Variants in ZNF169 observed in about 807,000 individuals in gnomAD.
The protein encoded by ZNF169 is zinc finger protein 169.
Under a neutral mutation model 12.0 loss-of-function variants are expected in ZNF169, and 11 were observed. The ratio of observed to expected loss-of-function variants is 0.92; its 90% CI spans 0.58 to 1.52. The LOEUF (loss-of-function observed/expected upper bound fraction) is 1.52, where lower values mean the gene tolerates loss of function less well. Among genes scored for constraint, ZNF169 ranks in the 40% most tolerant of loss-of-function variants. The pLI, the probability that ZNF169 is intolerant of heterozygous loss-of-function variation, is 0.00. For synonymous variants in ZNF169, 302 were observed against 286.5 expected, an observed-to-expected ratio of 1.05 and a Z score of -0.55; for missense variants, 722 against 744.0, an observed-to-expected ratio of 0.97 and a Z score of 0.34.
chr9:94,297,963 T>C (rs1830984375), intron 4 of ZNF169, among the ~76,000 whole-genome samples: 2 of 152,036 alleles, frequency 1.3e-5, no homozygotes, highest in South Asian at 4.2e-4. Context: ...GGTCAGGAGT[T>C]TGAGACCAGC....
chr9:94,289,688 G>T (rs1298355620), intron 2 of ZNF169, among the ~76,000 whole-genome samples: 1 of 152,144 alleles, frequency 6.6e-6, no homozygotes, highest in Non-Finnish European at 1.5e-5. Flanking sequence ...TACTCAGGAC[G>T]CTGAGGCAGG....
At chr9:94,294,984 TA>T (rs1830922015) in intron 4 of ZNF169, 1 of 152,342 alleles carries the variant, frequency 6.6e-6, no homozygotes, top group Admixed American at 6.5e-5. Context: ...ATATAGCTGG[TA>T]TTACACTATG....
intron 2 of ZNF169, among the ~76,000 whole-genome samples, chr9:94,282,316 GACA>G (rs1355138957): frequency 1.3e-5 from 2 of 152,164 alleles, no homozygotes; most frequent in African/African-American, 2.4e-5. Flanking sequence ...AGGAAGTCCT[GACA>G]ACATGTGCCC....
At chr9:94,263,748 G>A (rs779646487) in intron 1 of ZNF169, among the ~76,000 whole-genome samples, 1 of 151,196 alleles carries the variant, frequency 6.6e-6, no homozygotes, top group Non-Finnish European at 1.5e-5. Context: ...ATTAGATTAG[G>A]TCTCTTTTAC....
intron 2 of ZNF169, among the ~76,000 whole-genome samples, chr9:94,284,259 T>A (rs1417149188): frequency 1.3e-5 from 2 of 151,420 alleles, no homozygotes; most frequent in Non-Finnish European, 2.9e-5. Context: ...ACCCCATCTC[T>A]ACTAAAAATA....
chr9:94,266,085 C>A (rs1295941757), intron 1 of ZNF169, among the ~76,000 whole-genome samples: 3 of 134,130 alleles, frequency 2.2e-5, no homozygotes, highest in Non-Finnish European at 3.1e-5. Flanking sequence ...GACTTTGTCT[C>A]AAAAAAAAAA....
At chr9:94,295,188 C>T (rs1355944820) in intron 4 of ZNF169, 1 of 151,958 alleles carries the variant, frequency 6.6e-6, no homozygotes, top group African/African-American at 2.4e-5. Flanking sequence ...ATTAGCCGAG[C>T]CTGGTGGTGC....
At position 94,300,099 on chromosome 9, in the gene ZNF169, G is replaced by A. The variant is rs1564094133; in HGVS notation, c.541G>A (p.Glu181Lys). The change falls in exon 5 of 5, where the codon GAA becomes AAA. Residue 181 changes from glutamate to lysine, a missense_variant. Coordinates refer to ENST00000395395, the MANE Select transcript of ZNF169 (RefSeq NM_194320.4). ...DPVEWVEGNR[E>K]GGTDLRLAQR... Reference sequence around the variant, plus strand: ...AGTAGAATGGGTAGAAGGGAACAGAGAAGGAGGAACAGACCTTCGCCTGGC... The same window carrying A: ...AGTAGAATGGGTAGAAGGGAACAGAAAAGGAGGAACAGACCTTCGCCTGGC... The A allele has an allele frequency of 1.2e-6, 2 of 1,614,196 alleles. No homozygotes were observed. The highest frequency in any genetic ancestry group is 1.7e-5 in the Admixed American group (1 of 60,026).
intron 1 of ZNF169, among the ~76,000 whole-genome samples, chr9:94,269,031 C>T (rs567662591): frequency 4.6e-5 from 7 of 151,966 alleles, no homozygotes; most frequent in Admixed American, 2.6e-4. Context: ...TGGATGTTAG[C>T]TTTTATTTAG....
chr9:94,287,691 G>T, intron 2 of ZNF169: 1 of 1,076,516 alleles, frequency 9.3e-7, no homozygotes, highest in Non-Finnish European at 1.4e-6. Context: ...AAACAATACG[G>T]TGTTCATTTA....
At chr9:94,266,414 G>A (rs754683387) in intron 1 of ZNF169, among the ~76,000 whole-genome samples, 8 of 152,312 alleles carry the variant, frequency 5.3e-5, no homozygotes, top group Admixed American at 1.3e-4. Context: ...CGAACGCAGC[G>A]CTGGAGTGAA....
intron 2 of ZNF169, among the ~76,000 whole-genome samples, chr9:94,279,059 A>C (rs1195337009): frequency 6.6e-6 from 1 of 152,156 alleles, no homozygotes; most frequent in East Asian, 1.9e-4. Flanking sequence ...GGGCAGTTAA[A>C]ATAAAAATAC....
intron 2 of ZNF169, among the ~76,000 whole-genome samples, chr9:94,286,714 T>C (rs1830725504): frequency 6.6e-6 from 1 of 152,238 alleles, no homozygotes; most frequent in South Asian, 2.1e-4. Flanking sequence ...TGTCATCATG[T>C]GATTACAATC....
In ZNF169 at chr9:94,301,535, G is replaced by T. The variant is rs1188943781; in HGVS notation, c.*165G>T. ...TCACAATTTGTCTTGGCTTGCTAGG[G>T]GTTCCATAACAAAGTACCCCAGGCT... is the stretch of plus-strand genomic sequence containing the variant. On this transcript the variant is annotated 3_prime_UTR_variant, in exon 5 of 5. Transcript: ENST00000395395. 7.6e-7 allele frequency: 1 copy of T among 1,322,372 alleles called. No individual in the cohort carries two copies. The highest frequency in any genetic ancestry group is 1.5e-5 in the African/African-American group (1 of 67,462). 81.9% of individuals were successfully genotyped at this position (1,322,372 alleles called of 1,614,324 possible).
chr9:94,286,489 G>A (rs1830722327), intron 2 of ZNF169, among the ~76,000 whole-genome samples: 1 of 152,128 alleles, frequency 6.6e-6, no homozygotes, highest in African/African-American at 2.4e-5. Context: ...AATATTGGGG[G>A]AGGGTCCTGG....
intron 2 of ZNF169, chr9:94,287,920 T>C: frequency 1.1e-6 from 1 of 927,976 alleles, no homozygotes; most frequent in South Asian, 1.3e-5. Flanking sequence ...TTTCCTGCTG[T>C]CCAGGCGAGA....
At chr9:94,297,057 A>G (rs1587689237) in intron 4 of ZNF169, among the ~76,000 whole-genome samples, 1 of 151,968 alleles carries the variant, frequency 6.6e-6, no homozygotes, top group East Asian at 1.9e-4. Context: ...AAAATAAAAT[A>G]AAATAAAATA....
chr9:94,263,545 T>G (rs1032373842), intron 1 of ZNF169, among the ~76,000 whole-genome samples: 1 of 151,484 alleles, frequency 6.6e-6, no homozygotes, highest in African/African-American at 2.4e-5. Context: ...TCTATTCTGA[T>G]AATCTGTGCC....
At chr9:94,290,929 T>G (rs1011699487) in intron 2 of ZNF169, among the ~76,000 whole-genome samples, 1 of 152,080 alleles carries the variant, frequency 6.6e-6, no homozygotes, top group African/African-American at 2.4e-5. Flanking sequence ...AAAAATATGT[T>G]TTTCTTTTTT....
Sources: gnomAD v4.1 joint callset for allele counts (sites outside exome capture counted in the v4.1 genomes callset) on GRCh38, gnomAD v4.1.1 for gene constraint, MANE v1.5 for transcripts, NCBI Gene and HGNC (gene_info 2026-07-23, HGNC 2026-07-21) for gene names.